The following DSCAML1 variants were observed in gnomAD, a reference collection of about 807,000 sequenced individuals.
The protein encoded by DSCAML1 is cell adhesion molecule DSCAML1.
Under a neutral mutation model 200.5 loss-of-function variants are expected in DSCAML1, and 38 were observed. The ratio of observed to expected loss-of-function variants is 0.19; its 90% CI spans 0.15 to 0.25. DSCAML1 has a LOEUF of 0.25. Among genes scored for constraint, DSCAML1 ranks in the 10% least tolerant of loss-of-function variants. The probability of loss-of-function intolerance (pLI) is 1.00; values close to 1 mark genes in which losing one functional copy is unlikely to be tolerated. For missense variants in DSCAML1, 2,223 were observed against 2,858.8 expected (o/e 0.78, Z 5.07); for synonymous variants, 1,215 against 1,165.0 (o/e 1.04, Z -0.87).
chr11:117,485,941 G>A (rs2049039398), intron 11 of DSCAML1, among the ~76,000 whole-genome samples: 1 of 152,196 alleles, frequency 6.6e-6, no homozygotes, highest in South Asian at 2.1e-4. Context: ...ACTGGTGTCA[G>A]CCAGCGCTGG....
intron 11 of DSCAML1, 100 bp from the exon 12 acceptor site, chr11:117,482,262 C>T (rs1001145529): frequency 6.6e-6 from 9 of 1,373,106 alleles, no homozygotes; most frequent in South Asian, 1.3e-5. Context: ...GCCCTCCTCC[C>T]CCAGGAGAGG....
upstream of DSCAML1, chr11:117,797,362 GC>G: frequency 9.3e-7 from 1 of 1,072,164 alleles, no homozygotes; most frequent in Non-Finnish European, 1.2e-6. Context: ...AGCCCCACAA[GC>G]CCAGGAACAG....
chr11:117,509,417 G>A (rs1398622358), intron 8 of DSCAML1, among the ~76,000 whole-genome samples: 2 of 152,174 alleles, frequency 1.3e-5, no homozygotes, highest in Non-Finnish European at 2.9e-5. Flanking sequence ...CTGGTCCCGC[G>A]CTCCCAGAGG....
At chr11:117,528,934 C>T (rs7126416) in intron 4 of DSCAML1, among the ~76,000 whole-genome samples, 2 of 133,924 alleles carry the variant, frequency 1.5e-5, no homozygotes, top group South Asian at 2.2e-4. Context: ...CGCCCCCCGC[C>T]CCCCCCCTTG....
intron 11 of DSCAML1, among the ~76,000 whole-genome samples, chr11:117,492,429 A>G (rs2049200448): frequency 6.6e-6 from 1 of 152,180 alleles, no homozygotes; most frequent in Non-Finnish European, 1.5e-5. Context: ...AGGCTTTTCC[A>G]AGGGACAGCA....
At chr11:117,776,628 CTT>C (rs142431704) in intron 3 of DSCAML1, among the ~76,000 whole-genome samples, 161 bp downstream of exon 3, 6 of 145,384 alleles carry the variant, frequency 4.1e-5, no homozygotes, top group Non-Finnish European at 7.6e-5. Context: ...AGACCAAAGA[CTT>C]TTTTTTTTTG....
At chr11:117,796,987 C>T (rs1296755155) in intron 1 of DSCAML1, 47 bp downstream of exon 1, 3 of 1,311,818 alleles carry the variant, frequency 2.3e-6, no homozygotes, top group Middle Eastern at 2.0e-4. Context: ...AGCCGCGCCA[C>T]CCTGGCCCCG....
intron 14 of DSCAML1, among the ~76,000 whole-genome samples, chr11:117,473,981 C>T (rs562774388): frequency 6.6e-6 from 1 of 151,952 alleles, no homozygotes; most frequent in Non-Finnish European, 1.5e-5. Context: ...TCTGATGTGC[C>T]CATGTTTATA....
chr11:117,614,850 A>G (rs1488863157), intron 3 of DSCAML1, among the ~76,000 whole-genome samples: 2 of 152,216 alleles, frequency 1.3e-5, no homozygotes, highest in African/African-American at 4.8e-5. Flanking sequence ...AATGGTCACT[A>G]TGCAAGATCC....
intron 3 of DSCAML1, among the ~76,000 whole-genome samples, chr11:117,652,267 A>G (rs2052648099): frequency 6.6e-6 from 1 of 152,232 alleles, no homozygotes; most frequent in Non-Finnish European, 1.5e-5. Context: ...TCTAGTCCCC[A>G]GCTCTTAGTC....
At chr11:117,730,459 A>T (rs1396940784) in intron 3 of DSCAML1, among the ~76,000 whole-genome samples, 1 of 152,202 alleles carries the variant, frequency 6.6e-6, no homozygotes, top group East Asian at 1.9e-4. Context: ...GAACTGTGTG[A>T]CAATCAATGC....
chr11:117,720,062 G>A lies in DSCAML1; in HGVS notation c.511+56729C>T, dbSNP rs549330137. Among the ~76,000 whole-genome samples, 102 of 152,082 alleles carry A rather than the reference G, an allele frequency of 6.7e-4. 1 individual carries two copies. Among genetic ancestry groups the A allele is most frequent in the Middle Eastern group, 3.4e-3 (1 of 292 alleles). ...AAGTCTCAATCAATTAGTCCCTCCCGGCCCAGGCACTGGATCTCTCCGTGG... is the reference window on the plus strand; with the variant it reads ...AAGTCTCAATCAATTAGTCCCTCCCAGCCCAGGCACTGGATCTCTCCGTGG... On this transcript the variant is annotated intron_variant, in intron 3 of 32. Transcript: ENST00000651296.
At chr11:117,470,662 C>T (rs992194217) in intron 15 of DSCAML1, among the ~76,000 whole-genome samples, 2 of 152,162 alleles carry the variant, frequency 1.3e-5, no homozygotes, top group Non-Finnish European at 2.9e-5. Flanking sequence ...ACTCATGAAC[C>T]GGTACACTAG....
intron 3 of DSCAML1, among the ~76,000 whole-genome samples, chr11:117,665,266 A>G (rs1038788922): frequency 2.6e-5 from 4 of 152,178 alleles, no homozygotes; most frequent in Non-Finnish European, 5.9e-5. Flanking sequence ...CCCCAAGGGG[A>G]CTGGAAGTCG....
At chr11:117,799,020 C>T (rs1020431798), upstream of DSCAML1, among the ~76,000 whole-genome samples, 3 of 152,138 alleles carry the variant, frequency 2.0e-5, no homozygotes, top group Non-Finnish European at 2.9e-5. Context: ...ATGACCCAGA[C>T]CGATCTTTTG....
chr11:117,441,122 G>A (rs1592579763), intron 21 of DSCAML1, among the ~76,000 whole-genome samples: 1 of 152,026 alleles, frequency 6.6e-6, no homozygotes, highest in Non-Finnish European at 1.5e-5. Flanking sequence ...ACAAAACTTA[G>A]GGTCTGGCTG....
Position 117,428,660 on chromosome 11 carries a change from G to A in DSCAML1, c.5830C>T (p.Leu1944=). 14 of 1,612,396 alleles carry A rather than the reference G, an allele frequency of 8.7e-6. No individual in the cohort carries two copies. Among genetic ancestry groups the A allele is most frequent in the Non-Finnish European group, 1.2e-5 (14 of 1,179,450 alleles). The change falls in exon 33 of 33, where the codon CTG becomes TTG. Residue 1944 remains leucine (L), a synonymous_variant. Transcript: ENST00000651296. ...ARTYHTQARH[L]TLDPASKSLG... is the part of the protein sequence containing the mutation. ...GACTTGCTGGCAGGGTCCAGGGTCAGGTGGCGAGCCTGGGTGTGGTAGGTT... is the reference window on the plus strand; with the variant it reads ...GACTTGCTGGCAGGGTCCAGGGTCAAGTGGCGAGCCTGGGTGTGGTAGGTT...
In DSCAML1 at chr11:117,493,405, C is replaced by CT. The variant is rs1395475712; in HGVS notation, c.2359+10439dup. Among the ~76,000 whole-genome samples, 93 of 150,462 alleles carry CT rather than the reference C, an allele frequency of 6.2e-4. 1 individual carries two copies. The highest frequency in any genetic ancestry group is 1.3e-4 in the Non-Finnish European group (9 of 67,714). The stretch of plus-strand genomic sequence containing the variant: ...GATCTTAGCTCACTGCAACCTCCCC[C>CT]TCCCGGGTTCAAGTGATTTCCCTGC... On this transcript the variant is annotated intron_variant, in intron 11 of 32. Coordinates refer to ENST00000651296, the MANE Select transcript of DSCAML1 (RefSeq NM_020693.4).
At chr11:117,587,296 A>G (rs2051166055) in intron 3 of DSCAML1, among the ~76,000 whole-genome samples, 1 of 139,526 alleles carries the variant, frequency 7.2e-6, no homozygotes, top group South Asian at 2.6e-4. Context: ...CCTATATTGT[A>G]GTGGAAGACA....
Sources: gnomAD v4.1 joint callset for allele counts (sites outside exome capture counted in the v4.1 genomes callset) on GRCh38, gnomAD v4.1.1 for gene constraint, MANE v1.5 for transcripts, NCBI Gene and HGNC (gene_info 2026-07-23, HGNC 2026-07-21) for gene names.